Variants in ANKRD10 observed in about 807,000 individuals in gnomAD.
ANKRD10 encodes ankyrin repeat domain-containing protein 10.
ANKRD10 carries 14 observed loss-of-function variants against 27.0 expected under a neutral mutation model. The observed-to-expected ratio is 0.52, with a 90% CI of 0.34 to 0.81. The LOEUF (loss-of-function observed/expected upper bound fraction) is 0.81. Among genes scored for constraint, ANKRD10 ranks in the 40% least tolerant of loss-of-function variants. The probability of loss-of-function intolerance (pLI) is 0.01; values close to 1 mark genes in which losing one functional copy is unlikely to be tolerated. For synonymous variants in ANKRD10, 250 were observed against 224.5 expected, an observed-to-expected ratio of 1.11 and a Z score of -1.01; for missense variants, 493 against 544.0, an observed-to-expected ratio of 0.91 and a Z score of 0.93.
chr13:110,908,823 T>G, intron 2 of ANKRD10, among the ~76,000 whole-genome samples: 1 of 152,178 alleles, frequency 6.6e-6, no homozygotes, highest in East Asian at 1.9e-4. Context: ...CACAACTACC[T>G]AAGATACACT....
chr13:110,889,805 TA>T (rs1294966385), intron 4 of ANKRD10, among the ~76,000 whole-genome samples: 1 of 152,216 alleles, frequency 6.6e-6, no homozygotes, highest in Non-Finnish European at 1.5e-5. Context: ...TTTGTAAATA[TA>T]AATTCCACAC....
intron 5 of ANKRD10, 99 bp from the exon 6 acceptor site, chr13:110,880,211 TTTC>T (rs1453148178): frequency 6.7e-6 from 7 of 1,040,486 alleles, no homozygotes; most frequent in South Asian, 1.7e-5. Context: ...AGAATTTTAG[TTTC>T]TTTTTTTTCC....
At chr13:110,882,568 C>T (rs2064840061) in intron 5 of ANKRD10, among the ~76,000 whole-genome samples, 1 of 152,152 alleles carries the variant, frequency 6.6e-6, no homozygotes, top group African/African-American at 2.4e-5. Context: ...GTGGCCACTT[C>T]TGCCTATTCA....
rs561608635 is a variant in ANKRD10 at position 110,897,197 on chromosome 13, G to A, written c.456-3934C>T. ...GCTGGAGTGCAGTGGCACAATCATA[G>A]TTCACCACACCCTGGAACTCCTGGG... On this transcript the variant is annotated intron_variant, in intron 3 of 5. Transcript: ENST00000267339. Among the ~76,000 whole-genome samples, 284 of 151,664 alleles carry A rather than the reference G, an allele frequency of 1.9e-3. 1 individual carries two copies. Among genetic ancestry groups the A allele is most frequent in the Non-Finnish European group, 3.4e-4 (23 of 67,914 alleles).
intron 1 of ANKRD10, among the ~76,000 whole-genome samples, chr13:110,913,966 AG>A (rs1383230102): frequency 3.9e-5 from 6 of 152,190 alleles, no homozygotes; most frequent in Non-Finnish European, 2.9e-5. Flanking sequence ...TTAAGAAAAA[AG>A]AGGGGAACGT....
rs2065848419 is a variant in ANKRD10 at position 110,914,940 on chromosome 13, G to C, written c.-6C>G. ...CCCGCTCCCGCCGCCGACATGGTCC[G>C]TCACCGGAGAGCGCGGGGCTCGCTG... On this transcript the variant is annotated 5_prime_UTR_variant, in exon 1 of 6. Coordinates refer to ENST00000267339, the MANE Select transcript of ANKRD10 (RefSeq NM_017664.4). 3.3e-6 allele frequency: 5 copies of C among 1,530,842 alleles called. No individual in the cohort carries two copies. The highest frequency in any genetic ancestry group is 2.0e-5 in the Admixed American group (1 of 50,724). The allele number at this position is 1,530,842 out of a possible 1,614,324, so 94.8% of individuals were successfully genotyped here.
At chr13:110,910,874 A>T in intron 1 of ANKRD10, 104 bp from the exon 2 acceptor site, 2 of 1,255,780 alleles carry the variant, frequency 1.6e-6, no homozygotes, top group African/African-American at 1.5e-5. Flanking sequence ...TGGCATTGTT[A>T]CCAGTTTTTT....
chr13:110,908,878 T>C (rs1258993154), intron 2 of ANKRD10, among the ~76,000 whole-genome samples: 1 of 152,184 alleles, frequency 6.6e-6, no homozygotes, highest in African/African-American at 2.4e-5. Flanking sequence ...TGATATGCAC[T>C]AGGCACATGT....
intron 4 of ANKRD10, among the ~76,000 whole-genome samples, chr13:110,884,930 TATG>T (rs2064888581): frequency 6.6e-6 from 1 of 152,116 alleles, no homozygotes; most frequent in African/African-American, 2.4e-5. Flanking sequence ...ATACTGTATA[TATG>T]ATATCTGGAT....
intron 1 of ANKRD10, 174 bp downstream of exon 1, chr13:110,914,551 G>A (rs1244197678): frequency 1.1e-6 from 1 of 915,492 alleles, no homozygotes; most frequent in Non-Finnish European, 1.4e-6. Flanking sequence ...CCGCGACTCC[G>A]GGCCGCGAGC....
In ANKRD10 at chr13:110,897,659, G is replaced by A. The variant is rs544739136; in HGVS notation, c.456-4396C>T. Reference sequence around the variant, plus strand: ...TGGGTACTGTGAATAGTGCTGGAACGAGCATGGCAGGTGCAGATGTCTCCA... The same window carrying A: ...TGGGTACTGTGAATAGTGCTGGAACAAGCATGGCAGGTGCAGATGTCTCCA... On this transcript the variant is annotated intron_variant, in intron 3 of 5. Coordinates refer to ENST00000267339, the MANE Select transcript of ANKRD10 (RefSeq NM_017664.4). Among the ~76,000 whole-genome samples the A allele has an allele frequency of 2.6e-5, 4 of 152,228 alleles. No individual in the cohort carries two copies. The South Asian group carries it at 6.2e-4, about 24-fold the overall frequency.
intron 3 of ANKRD10, among the ~76,000 whole-genome samples, chr13:110,902,616 C>T (rs891529353): frequency 6.6e-6 from 1 of 152,192 alleles, no homozygotes; most frequent in East Asian, 1.9e-4. Context: ...TCTGATGATC[C>T]CAGTTAAGAT....
At chr13:110,895,654 GA>G in intron 3 of ANKRD10, among the ~76,000 whole-genome samples, 1 of 152,292 alleles carries the variant, frequency 6.6e-6, no homozygotes, top group East Asian at 1.9e-4. Flanking sequence ...CCAACATTCT[GA>G]AATTGTTAAA....
intron 3 of ANKRD10, among the ~76,000 whole-genome samples, chr13:110,896,048 G>A (rs1188465332): frequency 6.6e-6 from 1 of 152,198 alleles, no homozygotes; most frequent in Non-Finnish European, 1.5e-5. Context: ...AAGGACCAAG[G>A]AAGCAAGAAC....
chr13:110,913,566 TA>T (rs2065784720), intron 1 of ANKRD10, among the ~76,000 whole-genome samples: 1 of 152,190 alleles, frequency 6.6e-6, no homozygotes, highest in Admixed American at 6.5e-5. Context: ...TTTTCCACTT[TA>T]AAAGAATCAG....
Position 110,879,635 on chromosome 13 carries a change from C to T in ANKRD10, c.*2G>A. Reference sequence around the variant, plus strand: ...GCGTTTCCGAGAGCCAGGTCAGCGTCTCTAGGAGCCGTGGTGCAGGTGCAT... The same window carrying T: ...GCGTTTCCGAGAGCCAGGTCAGCGTTTCTAGGAGCCGTGGTGCAGGTGCAT... On this transcript the variant is annotated 3_prime_UTR_variant, in exon 6 of 6. Transcript: ENST00000267339. The T allele has an allele frequency of 6.2e-7, 1 of 1,607,122 alleles. No homozygotes were observed.
rs143223743 is a variant in ANKRD10, at chr13:110,914,792, G to A, written c.143C>T (p.Ala48Val). 9.1e-5 allele frequency: 145 copies of A among 1,596,440 alleles called. No individual in the cohort carries two copies. Among genetic ancestry groups the A allele is most frequent in the Non-Finnish European group, 1.2e-4 (141 of 1,172,258 alleles). Residue 48 changes from alanine to valine, a missense_variant, in exon 1 of 6, where the codon GCC becomes GTC. Transcript: ENST00000267339. ...GAAGGAGTCCTCAGAGGCCAGGTGG[G>A]CGTGGGGTGTCTGCTGCAGCAGCGA... ...LCSLLQQTPH[A>V]HLASEDSFYG...
intron 3 of ANKRD10, among the ~76,000 whole-genome samples, chr13:110,902,071 AG>A (rs1304476061): frequency 4.6e-4 from 67 of 146,686 alleles, no homozygotes; most frequent in Non-Finnish European, 2.1e-4. Flanking sequence ...AAAAAAAAAA[AG>A]AGGAGGCAAA....
In ANKRD10 at chr13:110,880,101, T is replaced by C. The variant is rs2064783478; in HGVS notation, c.799A>G (p.Ser267Gly). Residue 267 changes from serine (S) to glycine (G), a missense_variant, in exon 6 of 6, where the codon AGT (serine) becomes GGT (glycine). Transcript: ENST00000267339. ...GTCAATGTATTCGATACGGAGCTAC[T>C]GTTTTTCATATCTGCATTAAGAAAT... is the stretch of plus-strand genomic sequence containing the variant. ...EFAVVTDMKNSSSVSNTLTNG... is the reference protein window; with the variant it reads ...EFAVVTDMKNGSSVSNTLTNG... 6.2e-7 allele frequency: 1 copy of C among 1,612,734 alleles called. No individual in the cohort carries two copies. The highest frequency in any genetic ancestry group is 8.5e-7 in the Non-Finnish European group (1 of 1,178,854).
Sources: gnomAD v4.1 joint callset for allele counts (sites outside exome capture counted in the v4.1 genomes callset) on GRCh38, gnomAD v4.1.1 for gene constraint, MANE v1.5 for transcripts, NCBI Gene and HGNC (gene_info 2026-07-23, HGNC 2026-07-21) for gene names.